Variants in EXOC4 observed in about 807,000 individuals in gnomAD.
The protein encoded by EXOC4 is exocyst complex component 4, also known as SEC8-like 1.
A neutral mutation model predicts 107.2 loss-of-function variants in EXOC4; 71 were observed. The observed-to-expected ratio is 0.66, with a 90% CI of 0.55 to 0.81. The LOEUF (loss-of-function observed/expected upper bound fraction) is 0.81. EXOC4 is among the 30% of genes least tolerant of loss of function. EXOC4 has a pLI of 0.00. For missense variants in EXOC4, 1,108 were observed against 1,189.6 expected (o/e 0.93, Z 1.01); for synonymous variants, 456 against 441.2 (o/e 1.03, Z -0.42).
At chr7:133,952,683 C>T (rs971188958) in intron 14 of EXOC4, among the ~76,000 whole-genome samples, 3 of 152,192 alleles carry the variant, frequency 2.0e-5, no homozygotes, top group Non-Finnish European at 4.4e-5. Context: ...AACCTCCATT[C>T]TACTTCCTAT....
chr7:133,874,338 A>G (rs1041335117), intron 11 of EXOC4, among the ~76,000 whole-genome samples: 3 of 152,224 alleles, frequency 2.0e-5, no homozygotes, highest in African/African-American at 7.2e-5. Context: ...GGAATGAGCT[A>G]GAATGCTGGG....
intron 13 of EXOC4, among the ~76,000 whole-genome samples, chr7:133,931,548 C>T (rs1181478222): frequency 1.3e-5 from 2 of 152,002 alleles, no homozygotes; most frequent in African/African-American, 2.4e-5. Flanking sequence ...AAAAGTTATG[C>T]TGCTAGGAAA....
At chr7:134,033,265 A>C (rs1006926339) in intron 17 of EXOC4, among the ~76,000 whole-genome samples, 11 of 152,224 alleles carry the variant, frequency 7.2e-5, no homozygotes, top group South Asian at 4.1e-4. Flanking sequence ...TATATCCTAC[A>C]GGACTATTTT....
intron 9 of EXOC4, among the ~76,000 whole-genome samples, chr7:133,516,326 T>C (rs1157123464): frequency 6.6e-6 from 1 of 152,182 alleles, no homozygotes; most frequent in African/African-American, 2.4e-5. Flanking sequence ...CTCAAGAGAA[T>C]TTCTGTACCT....
chr7:133,561,805 G>C (rs779345565), intron 9 of EXOC4, among the ~76,000 whole-genome samples: 1 of 152,154 alleles, frequency 6.6e-6, no homozygotes, highest in Non-Finnish European at 1.5e-5. Context: ...GTGTGGGTGC[G>C]TGCGCGTGCC....
chr7:133,314,240 G>A (rs1230874775), intron 4 of EXOC4, among the ~76,000 whole-genome samples: 3 of 152,166 alleles, frequency 2.0e-5, no homozygotes, highest in African/African-American at 7.2e-5. Flanking sequence ...CTTATGCTGA[G>A]CTTCATTCAT....
At chr7:133,518,207 C>T (rs746833523) in intron 9 of EXOC4, among the ~76,000 whole-genome samples, 3 of 151,558 alleles carry the variant, frequency 2.0e-5, no homozygotes, top group Non-Finnish European at 4.4e-5. Context: ...AGAAATCGGC[C>T]GTATTTTTTG....
chr7:134,053,560 T>TTATATA (rs112636370), intron 17 of EXOC4, among the ~76,000 whole-genome samples: 25,404 of 149,042 alleles, frequency 0.17, 2,544 homozygotes, highest in African/African-American at 0.27. Context: ...ATATCTGATT[T>TTATATA]TATATATATA....
chr7:134,088,900 A>T, the EXOC4 span, among the ~76,000 whole-genome samples: 1 of 152,170 alleles, frequency 6.6e-6, no homozygotes, highest in Non-Finnish European at 1.5e-5. Flanking sequence ...TGACTTTACT[A>T]TACCAAATAA....
chr7:133,810,301 GA>G, intron 10 of EXOC4, among the ~76,000 whole-genome samples: 1 of 152,264 alleles, frequency 6.6e-6, no homozygotes, highest in East Asian at 1.9e-4. Flanking sequence ...CAGAATTTGT[GA>G]TAAGGCTGGG....
chr7:133,676,262 C>T (rs1394730243), intron 10 of EXOC4, among the ~76,000 whole-genome samples: 2 of 151,978 alleles, frequency 1.3e-5, no homozygotes, highest in East Asian at 3.8e-4. Flanking sequence ...TCTTCTACTT[C>T]ACCCGACAAA....
chr7:133,805,071 A>C (rs1585158964), intron 10 of EXOC4, among the ~76,000 whole-genome samples: 1 of 152,202 alleles, frequency 6.6e-6, no homozygotes, highest in East Asian at 1.9e-4. Flanking sequence ...TATAAATCAA[A>C]GATGTACAAA....
chr7:133,626,312 G>A (rs1802454643), intron 9 of EXOC4, among the ~76,000 whole-genome samples: 1 of 152,194 alleles, frequency 6.6e-6, no homozygotes, highest in Non-Finnish European at 1.5e-5. Flanking sequence ...AAATGCTGAA[G>A]TAGATTTCCG....
At chr7:133,661,094 C>T (rs1472055684) in intron 10 of EXOC4, among the ~76,000 whole-genome samples, 1 of 152,090 alleles carries the variant, frequency 6.6e-6, no homozygotes, top group Non-Finnish European at 1.5e-5. Flanking sequence ...AAATGCCAGG[C>T]AGGGCATTTT....
chr7:133,347,759 C>G lies in EXOC4; in HGVS notation c.764-8571C>G, dbSNP rs1795819956. Among the ~76,000 whole-genome samples the G allele has an allele frequency of 1.4e-4, 21 of 152,086 alleles. No homozygotes were observed. The South Asian group carries it at 4.1e-3, about 30-fold the overall frequency. ...ACAATGTGTGTGTGTGTGTAGGGGGCTGTGATCACAAGCACTTGGGGCCAA... is the reference window on the plus strand; with the variant it reads ...ACAATGTGTGTGTGTGTGTAGGGGGGTGTGATCACAAGCACTTGGGGCCAA... On this transcript the variant is annotated intron_variant, in intron 5 of 17. Coordinates refer to ENST00000253861, the MANE Select transcript of EXOC4 (RefSeq NM_021807.4).
intron 1 of EXOC4, chr7:133,254,116 T>C (rs1198263120): frequency 6.6e-6 from 1 of 152,202 alleles, no homozygotes; most frequent in African/African-American, 2.4e-5. Flanking sequence ...TGGAATGTAT[T>C]GATCATCTTT....
rs1186748499 is a variant in EXOC4 at position 133,967,252 on chromosome 7, ATCT to A, written c.2206+29188_2206+29190del. Among the ~76,000 whole-genome samples, 6 of 149,690 alleles carry A rather than the reference ATCT, an allele frequency of 4.0e-5. No individual in the cohort carries two copies. The South Asian group carries it at 6.5e-4, about 16-fold the overall frequency. On this transcript the variant is annotated intron_variant, in intron 14 of 17. Transcript: ENST00000253861. Reference sequence around the variant, plus strand: ...GGCTAGCGGTCTATCTATTTTGTTAATCTTCTTAAAAAACCAGCTCCTGGATTC... The same window carrying A: ...GGCTAGCGGTCTATCTATTTTGTTAATCTTAAAAAACCAGCTCCTGGATTC...
intron 10 of EXOC4, among the ~76,000 whole-genome samples, chr7:133,710,994 T>C (rs1452747846): frequency 1.3e-5 from 2 of 151,452 alleles, no homozygotes; most frequent in African/African-American, 4.9e-5. Context: ...ATTGGTAAAG[T>C]AGAGTTCAAG....
intron 14 of EXOC4, among the ~76,000 whole-genome samples, chr7:133,977,843 G>T (rs1793879674): frequency 1.3e-5 from 2 of 152,108 alleles, no homozygotes; most frequent in South Asian, 2.1e-4. Flanking sequence ...ACAAATCAAA[G>T]TGGAGCCTCT....
Sources: gnomAD v4.1 joint callset for allele counts (sites outside exome capture counted in the v4.1 genomes callset) on GRCh38, gnomAD v4.1.1 for gene constraint, MANE v1.5 for transcripts, NCBI Gene and HGNC (gene_info 2026-07-23, HGNC 2026-07-21) for gene names.